SOS2: variants seen among roughly 807,000 people sequenced by gnomAD.
SOS2 encodes the protein son of sevenless homolog 2.
SOS2 carries 65 observed loss-of-function variants against 148.2 expected under a neutral mutation model. The ratio of observed to expected loss-of-function variants is 0.44; its 90% confidence interval spans 0.36 to 0.54. The LOEUF is 0.54. SOS2 is among the 20% of genes least tolerant of loss of function. SOS2 has a pLI of 0.00. For synonymous variants in SOS2, 539 were observed against 537.1 expected (o/e 1.00, Z -0.05); for missense variants, 1,341 against 1,590.2 (o/e 0.84, Z 2.67).
At chr14:50,130,862 T>C (rs922910357) in intron 19 of SOS2, 100 bp from the exon 20 acceptor site, 56 of 1,031,054 alleles carry the variant, frequency 5.4e-5, no homozygotes, top group Non-Finnish European at 7.8e-5. Flanking sequence ...TTCTTAAGCA[T>C]ACAGTTCTTA....
intron 7 of SOS2, among the ~76,000 whole-genome samples, chr14:50,178,945 G>A (rs1778765390): frequency 6.6e-6 from 1 of 151,962 alleles, no homozygotes. Context: ...AGGCTGGCAA[G>A]GCTGGTCTGG....
chr14:50,155,159 T>C (rs1884774262), intron 12 of SOS2, among the ~76,000 whole-genome samples: 1 of 152,162 alleles, frequency 6.6e-6, no homozygotes, highest in South Asian at 2.1e-4. Context: ...GTGTTCATTG[T>C]AAAATTCTCA....
chr14:50,226,820 A>G (rs56173040), intron 1 of SOS2, among the ~76,000 whole-genome samples: 3,157 of 152,340 alleles, frequency 0.021, 74 homozygotes, highest in Non-Finnish European at 0.026. Context: ...ATTTTGAGGC[A>G]TATTTCCCAT....
rs1166373178 is a variant in SOS2, at chr14:50,168,348, A to G, written c.1068+6106T>C. On this transcript the variant is annotated intron_variant, in intron 8 of 22. Transcript: ENST00000216373. ...GTGATCCTCTCATCTCAGTCTCACA[A>G]GTAGCTGTGACTACTGGCATGCATT... Among the ~76,000 whole-genome samples, 5 of 152,128 alleles carry G rather than the reference A, an allele frequency of 3.3e-5. No homozygotes were observed. In the South Asian group the frequency reaches 8.3e-4, roughly 25 times the overall value.
chr14:50,199,991 G>A (rs942093656), intron 3 of SOS2, 136 bp from the exon 4 acceptor site: 6 of 529,946 alleles, frequency 1.1e-5, no homozygotes, highest in Non-Finnish European at 1.6e-5. Context: ...GGTACCACGG[G>A]ATATAAAATG....
At chr14:50,161,362 T>C in intron 9 of SOS2, 120 bp downstream of exon 9, 1 of 772,258 alleles carries the variant, frequency 1.3e-6, no homozygotes, top group South Asian at 1.9e-5. Flanking sequence ...TATATAAAAG[T>C]ATGACAAGCA....
Position 50,130,749 on chromosome 14 carries a change from G to C in SOS2, c.3089C>G (p.Thr1030Ser), listed in dbSNP as rs887361070. Residue 1030 changes from threonine (T) to serine (S), a missense_variant, in exon 20 of 23, where the codon ACT becomes AGT. Coordinates refer to ENST00000216373, the MANE Select transcript of SOS2 (RefSeq NM_006939.4). The part of the protein sequence containing the change: ...KQPPRFPRKS[T>S]FSLKSPGIRP... The stretch of plus-strand genomic sequence containing the variant: ...TATTCCAGGAGATTTTAAGGAAAAA[G>C]TTGATTTCCTAGGCTGAGAAAAGCA... 21 of 1,602,664 alleles carry C rather than the reference G, an allele frequency of 1.3e-5. No homozygotes were observed. The highest frequency in any genetic ancestry group is 1.6e-5 in the Non-Finnish European group (19 of 1,175,424).
intron 1 of SOS2, among the ~76,000 whole-genome samples, chr14:50,214,805 C>T (rs1422065227): frequency 2.7e-5 from 4 of 150,902 alleles, no homozygotes; most frequent in African/African-American, 7.3e-5. Flanking sequence ...CTCCTCAGGC[C>T]CCCCTCCCTG....
At chr14:50,184,500 C>T (rs527392811) in intron 5 of SOS2, among the ~76,000 whole-genome samples, 6 of 152,124 alleles carry the variant, frequency 3.9e-5, no homozygotes, top group Admixed American at 3.9e-4. Flanking sequence ...AGGTTACTTA[C>T]AGTAGGGCCC....
chr14:50,229,934 T>G (rs1284588265), intron 1 of SOS2, among the ~76,000 whole-genome samples: 1 of 152,184 alleles, frequency 6.6e-6, no homozygotes. Context: ...TTTCTTTCCC[T>G]CTCCTTACAG....
rs560993294 is a variant in SOS2, at chr14:50,215,481, A to G, written c.88-11072T>C. On this transcript the variant is annotated intron_variant, in intron 1 of 22. Transcript: ENST00000216373. ...TTACCACGACAGAACCAATTTGCCT[A>G]TCATATTTTTTGAAAGCCTAGTCAG... is the stretch of plus-strand genomic sequence containing the variant. 7.8e-5 allele frequency: 97 copies of G among 1,242,516 alleles called. No homozygotes were observed. In the African/African-American group the frequency reaches 1.5e-3, roughly 19 times the overall value. 77.0% of individuals were successfully genotyped at this position (1,242,516 alleles called of 1,614,324 possible).
chr14:50,199,662 G>A (rs537863156), intron 4 of SOS2, 29 bp downstream of exon 4: 19 of 1,421,828 alleles, frequency 1.3e-5, no homozygotes, highest in Non-Finnish European at 1.8e-5. Context: ...TGCTATTCAA[G>A]TTAAATTTAA....
rs1188698622 is a variant in SOS2 at position 50,118,491 on chromosome 14, A to G, written c.3852T>C (p.Leu1284=). 1.2e-6 allele frequency: 2 copies of G among 1,614,144 alleles called. No individual in the cohort carries two copies. The highest frequency in any genetic ancestry group is 3.3e-5 in the Admixed American group (2 of 60,026). The change falls in exon 23 of 23, where the codon CTT becomes CTC. Residue 1284 remains leucine (L), a synonymous_variant. Coordinates refer to ENST00000216373, the MANE Select transcript of SOS2 (RefSeq NM_006939.4). ...GAACAGGGGGAGCTGGAGGATGAGCAAGATTATTCTGACTAGAACTGAGCA... is the reference window on the plus strand; with the variant it reads ...GAACAGGGGGAGCTGGAGGATGAGCGAGATTATTCTGACTAGAACTGAGCA... ...CYVLSSSQNN[L]AHPPAPPVPP... is the part of the protein sequence containing the mutation.
chr14:50,195,975 C>T (rs1186840624), intron 4 of SOS2, among the ~76,000 whole-genome samples: 4 of 151,788 alleles, frequency 2.6e-5, no homozygotes, highest in African/African-American at 9.7e-5. Flanking sequence ...TGCAGTGAGC[C>T]GAGATCACAC....
At chr14:50,220,331 G>A (rs574708339) in intron 1 of SOS2, among the ~76,000 whole-genome samples, 18 of 133,620 alleles carry the variant, frequency 1.3e-4, no homozygotes, top group Admixed American at 4.3e-4. Context: ...GCGTGAACCC[G>A]GGAGGCAGAG....
chr14:50,160,313 A>T (rs542561930), intron 9 of SOS2, among the ~76,000 whole-genome samples: 1 of 150,468 alleles, frequency 6.6e-6, no homozygotes, highest in Non-Finnish European at 1.5e-5. Context: ...AAAATCCTAA[A>T]TTTCTTTCAT....
At chr14:50,176,329 G>A (rs1885521946) in intron 7 of SOS2, among the ~76,000 whole-genome samples, 1 of 152,202 alleles carries the variant, frequency 6.6e-6, no homozygotes, top group African/African-American at 2.4e-5. Flanking sequence ...TATTTTATTA[G>A]AGCAGCCTGA....
chr14:50,188,449 T>G (rs770592331), intron 5 of SOS2, 48 bp downstream of exon 5: 1 of 1,204,884 alleles, frequency 8.3e-7, no homozygotes, highest in Non-Finnish European at 1.2e-6. Flanking sequence ...TTTAAGCTGG[T>G]CTGGTTTTTT....
chr14:50,231,195 A>T lies in SOS2; in HGVS notation c.87+2T>A. On this transcript the variant is annotated splice_donor_variant, in intron 1 of 22. Transcript: ENST00000216373. LOFTEE classifies it high-confidence loss of function. Reference sequence around the variant, plus strand: ...GCCGGCCGCCCCGCCCCTAGCACTGACCTTCCGCAGGGCCGAGACCAACAG... The same window carrying T: ...GCCGGCCGCCCCGCCCCTAGCACTGTCCTTCCGCAGGGCCGAGACCAACAG... 6.8e-7 allele frequency: 1 copy of T among 1,464,764 alleles called. No individual in the cohort carries two copies. Among genetic ancestry groups the T allele is most frequent in the Admixed American group, 2.0e-5 (1 of 51,088 alleles). 90.7% of individuals were successfully genotyped at this position (1,464,764 alleles called of 1,614,324 possible).
Sources: gnomAD v4.1 joint callset for allele counts (sites outside exome capture counted in the v4.1 genomes callset) on GRCh38, gnomAD v4.1.1 for gene constraint, MANE v1.5 for transcripts, NCBI Gene and HGNC (gene_info 2026-07-23, HGNC 2026-07-21) for gene names.